Variants in DEPTOR observed in about 807,000 individuals in gnomAD.
DEPTOR encodes DEP domain-containing mTOR-interacting protein.
Under a neutral mutation model 41.6 loss-of-function variants are expected in DEPTOR, and 41 were observed. The observed-to-expected ratio is 0.98, with a 90% CI of 0.77 to 1.28. The LOEUF (loss-of-function observed/expected upper bound fraction) is 1.28, where lower values mean the gene tolerates loss of function less well. Ranked by LOEUF, DEPTOR falls within the 50% of genes most tolerant of loss-of-function variation. The pLI is 0.00. For synonymous variants in DEPTOR, 195 were observed against 192.3 expected, an observed-to-expected ratio of 1.01 and a Z score of -0.12; for missense variants, 514 against 527.9, an observed-to-expected ratio of 0.97 and a Z score of 0.26.
At chr8:119,963,819 G>A (rs1410441735) in intron 3 of DEPTOR, among the ~76,000 whole-genome samples, 1 of 152,204 alleles carries the variant, frequency 6.6e-6, no homozygotes, top group African/African-American at 2.4e-5. Flanking sequence ...GGTGTGAGAA[G>A]CAAGCTATGT....
At chr8:119,945,222 C>T (rs922930230) in intron 3 of DEPTOR, among the ~76,000 whole-genome samples, 10 of 152,160 alleles carry the variant, frequency 6.6e-5, no homozygotes, top group African/African-American at 2.4e-4. Context: ...GCAGTCCCTT[C>T]CTCCTTTTCC....
At chr8:120,026,383 C>T (rs1586663468) in intron 8 of DEPTOR, among the ~76,000 whole-genome samples, 2 of 151,838 alleles carry the variant, frequency 1.3e-5, no homozygotes, top group South Asian at 2.1e-4. Flanking sequence ...GCTCTTATCA[C>T]CCAGGCTGGA....
chr8:119,942,109 T>C (rs927156698), intron 3 of DEPTOR, among the ~76,000 whole-genome samples: 10 of 152,196 alleles, frequency 6.6e-5, no homozygotes, highest in African/African-American at 2.4e-4. Context: ...GCCGGCCAGC[T>C]GTGCTTGCCA....
intron 8 of DEPTOR, among the ~76,000 whole-genome samples, chr8:120,027,234 A>AAATAATAAT (rs10529651): frequency 0.28 from 40,977 of 144,880 alleles, 5,989 homozygotes; most frequent in East Asian, 0.48. Context: ...AATAAAAATA[A>AAATAATAAT]AATAATAATA....
intron 3 of DEPTOR, among the ~76,000 whole-genome samples, chr8:119,930,587 G>A (rs910532846): frequency 1.3e-5 from 2 of 152,146 alleles, no homozygotes; most frequent in Non-Finnish European, 2.9e-5. Flanking sequence ...TTTCAGGCTT[G>A]TAAGTGACTG....
chr8:120,010,495 A>T (rs1812513794), intron 8 of DEPTOR, among the ~76,000 whole-genome samples: 1 of 152,000 alleles, frequency 6.6e-6, no homozygotes, highest in Non-Finnish European at 1.5e-5. Context: ...TCATTCCTGT[A>T]GTCCCAGCTG....
chr8:119,924,852 G>T (rs920727322), intron 1 of DEPTOR, among the ~76,000 whole-genome samples: 1 of 152,154 alleles, frequency 6.6e-6, no homozygotes, highest in African/African-American at 2.4e-5. Flanking sequence ...AATGAGCATA[G>T]TAGGCAATAG....
Position 120,049,879 on chromosome 8 carries a change from CAT to C in DEPTOR, c.*178_*179del, listed in dbSNP as rs1813210421. 1.5e-6 allele frequency: 1 copy of C among 682,042 alleles called. No individual in the cohort carries two copies. The highest frequency in any genetic ancestry group is 3.5e-5 in the East Asian group (1 of 28,880). 42.2% of individuals were successfully genotyped at this position (682,042 alleles called of 1,614,324 possible). A position where few individuals can be genotyped will look rare whatever the true frequency, so the allele number is the denominator to read the frequency against. On this transcript the variant is annotated 3_prime_UTR_variant, in exon 9 of 9. Transcript: ENST00000286234. ...CACTGAATGTGGAAGAACCGGGTAT[CAT>C]ATCTTTTTTAAAAAATGTCAGTGTA...
intron 1 of DEPTOR, among the ~76,000 whole-genome samples, chr8:119,904,586 C>T (rs1280928718): frequency 6.6e-6 from 1 of 152,076 alleles, no homozygotes; most frequent in Non-Finnish European, 1.5e-5. Context: ...CCTCCACCTC[C>T]TGGGTTCAAG....
intron 3 of DEPTOR, among the ~76,000 whole-genome samples, chr8:119,960,314 A>G (rs1008044129): frequency 6.6e-5 from 10 of 152,156 alleles, no homozygotes. Flanking sequence ...GATGATAACA[A>G]CAATTTAGTG....
chr8:119,946,248 G>T (rs2129911578), intron 3 of DEPTOR, among the ~76,000 whole-genome samples: 1 of 152,092 alleles, frequency 6.6e-6, no homozygotes, highest in South Asian at 2.1e-4. Flanking sequence ...TTTCAGTCCA[G>T]AAAGAAAGAA....
At chr8:120,027,762 A>T (rs1429163947) in intron 8 of DEPTOR, among the ~76,000 whole-genome samples, 8 of 152,028 alleles carry the variant, frequency 5.3e-5, no homozygotes, top group African/African-American at 1.9e-4. Flanking sequence ...ATTTTCAGGT[A>T]CTGGGCTGGA....
At chr8:119,899,908 T>A (rs1827564691) in intron 1 of DEPTOR, among the ~76,000 whole-genome samples, 1 of 152,236 alleles carries the variant, frequency 6.6e-6, no homozygotes, top group South Asian at 2.1e-4. Flanking sequence ...TTCCTTTCAG[T>A]AAAGTTCCTC....
At chr8:120,038,592 C>CAA (rs34679088) in intron 8 of DEPTOR, among the ~76,000 whole-genome samples, 1 of 108,524 alleles carries the variant, frequency 9.2e-6, no homozygotes, top group East Asian at 2.6e-4. Context: ...GACCCTATCT[C>CAA]AAAAAAAAAA....
At chr8:120,043,446 A>G (rs1435418827) in intron 8 of DEPTOR, among the ~76,000 whole-genome samples, 1 of 152,210 alleles carries the variant, frequency 6.6e-6, no homozygotes, top group Non-Finnish European at 1.5e-5. Flanking sequence ...TTAATTGAAT[A>G]AAAACCTTCT....
chr8:119,895,554 G>A (rs1196572076), intron 1 of DEPTOR, among the ~76,000 whole-genome samples: 2 of 152,200 alleles, frequency 1.3e-5, no homozygotes, highest in Non-Finnish European at 2.9e-5. Context: ...GAGAATGGCT[G>A]AATGGCTTTA....
chr8:120,008,640 G>A (rs1812485287), intron 7 of DEPTOR, among the ~76,000 whole-genome samples: 1 of 151,992 alleles, frequency 6.6e-6, no homozygotes, highest in Non-Finnish European at 1.5e-5. Flanking sequence ...TTGGATACTG[G>A]GGAAAAGAAC....
rs1459849912 is a variant in DEPTOR, at chr8:119,881,626, G to T, written c.122+7658G>T. Among the ~76,000 whole-genome samples, 44 of 151,970 alleles carry T rather than the reference G, an allele frequency of 2.9e-4. 1 individual carries two copies. The highest frequency in any genetic ancestry group is 1.5e-5 in the Non-Finnish European group (1 of 68,002). On this transcript the variant is annotated intron_variant, in intron 1 of 8. Coordinates refer to ENST00000286234, the MANE Select transcript of DEPTOR (RefSeq NM_022783.4). ...TAAGGAATTTAGAGCATACACAACA[G>T]GACAAGGAGAAATAATTCATTTTAT...
Position 120,001,430 on chromosome 8 carries a change from AC to A in DEPTOR, c.605-94del, listed in dbSNP as rs142120356. 9,957 of 1,134,076 alleles carry A rather than the reference AC, an allele frequency of 8.8e-3. 61 individuals are homozygous for A. The highest frequency in any genetic ancestry group is 0.011 in the Non-Finnish European group (9,101 of 833,070). The allele number at this position is 1,134,076 out of a possible 1,614,324, so 70.3% of individuals were successfully genotyped here. On this transcript the variant is annotated intron_variant, in intron 4 of 8. Coordinates refer to ENST00000286234, the MANE Select transcript of DEPTOR (RefSeq NM_022783.4). ...CTGTGGAAGAGAAGTCTTTCTTGAG[AC>A]TTTTGCCGCTGTTGCCTGCAGTCCT...
Sources: gnomAD v4.1 joint callset for allele counts (sites outside exome capture counted in the v4.1 genomes callset) on GRCh38, gnomAD v4.1.1 for gene constraint, MANE v1.5 for transcripts, NCBI Gene and HGNC (gene_info 2026-07-23, HGNC 2026-07-21) for gene names.